The following CFTR variants were observed in gnomAD, a reference collection of about 807,000 sequenced individuals.
The protein encoded by CFTR is cystic fibrosis transmembrane conductance regulator.
Under a neutral mutation model 171.6 loss-of-function variants are expected in CFTR, and 181 were observed. That is an observed-to-expected ratio of 1.05 (90% confidence interval 0.93 to 1.19). The LOEUF (loss-of-function observed/expected upper bound fraction) is 1.19, where lower values mean the gene tolerates loss of function less well. Ranked by LOEUF, CFTR falls within the 50% of genes most tolerant of loss-of-function variation. The pLI, the probability that CFTR is intolerant of heterozygous loss-of-function variation, is 0.00. For missense variants in CFTR, 1,968 were observed against 1,734.7 expected (o/e 1.13, Z -2.39); for synonymous variants, 583 against 608.0 (o/e 0.96, Z 0.60).
At position 117,667,125 on chromosome 7, in the gene CFTR, T is replaced by C. The variant is rs376476454; in HGVS notation, c.*17T>C. The C allele has an allele frequency of 3.4e-5, 54 of 1,607,734 alleles. No homozygotes were observed. The highest frequency in any genetic ancestry group is 4.2e-5 in the Non-Finnish European group (49 of 1,174,690). The stretch of plus-strand genomic sequence containing the variant: ...AGGCTTTAGAGAGCAGCATAAATGT[T>C]GACATGGGACATTTGCTCATGGAAT... On this transcript the variant is annotated 3_prime_UTR_variant, in exon 27 of 27. Coordinates refer to ENST00000003084, the MANE Select transcript of CFTR (RefSeq NM_000492.4).
chr7:117,580,350 A>C (rs1180238659), intron 11 of CFTR, among the ~76,000 whole-genome samples: 2 of 152,084 alleles, frequency 1.3e-5, no homozygotes, highest in African/African-American at 4.8e-5. Flanking sequence ...AAATTAGCAA[A>C]AATTGAGGTG....
At chr7:117,551,744 G>T (rs900491452) in intron 10 of CFTR, among the ~76,000 whole-genome samples, 1 of 152,106 alleles carries the variant, frequency 6.6e-6, no homozygotes, top group African/African-American at 2.4e-5. Context: ...ATAGAATTTT[G>T]CATCACTGGA....
At position 117,609,442 on chromosome 7, in the gene CFTR, G is replaced by T. The variant is rs959966424; in HGVS notation, c.2989-1077G>T. On this transcript the variant is annotated intron_variant, in intron 18 of 26. Transcript: ENST00000003084. ...AACAGCATATGGATATTATAAAGTG[G>T]TTTTTTTTAATCCTTTCTGCAGACA... Among the ~76,000 whole-genome samples the T allele has an allele frequency of 1.4e-4, 21 of 151,966 alleles. No individual in the cohort carries two copies. The South Asian group carries it at 2.7e-3, about 20-fold the overall frequency.
intron 10 of CFTR, among the ~76,000 whole-genome samples, chr7:117,555,474 G>A (rs1799336265): frequency 6.6e-6 from 1 of 152,200 alleles, no homozygotes; most frequent in Admixed American, 6.5e-5. Flanking sequence ...TCATCTCCGT[G>A]TGAGCAGTTC....
intron 11 of CFTR, among the ~76,000 whole-genome samples, chr7:117,585,602 C>CT (rs966361608): frequency 1.3e-5 from 2 of 152,000 alleles, no homozygotes; most frequent in African/African-American, 4.8e-5. Flanking sequence ...TCTTCATTCT[C>CT]TTTTTTTCTC....
intron 11 of CFTR, among the ~76,000 whole-genome samples, chr7:117,578,802 A>G (rs1408439319): frequency 2.6e-5 from 4 of 152,134 alleles, no homozygotes; most frequent in Non-Finnish European, 5.9e-5. Context: ...GCTAAATTTA[A>G]CACAACCAAA....
chr7:117,640,576 C>T (rs1792896473), intron 22 of CFTR, among the ~76,000 whole-genome samples: 1 of 152,142 alleles, frequency 6.6e-6, no homozygotes, highest in African/African-American at 2.4e-5. Flanking sequence ...AAATTACTTT[C>T]ACCTGTTGAA....
intron 18 of CFTR, among the ~76,000 whole-genome samples, chr7:117,608,872 AT>A (rs1186468557): frequency 6.6e-6 from 1 of 151,794 alleles, no homozygotes; most frequent in African/African-American, 2.4e-5. Context: ...TGTTCACTCT[AT>A]TTTCTATTAT....
chr7:117,566,355 A>C (rs1285034244), intron 11 of CFTR, among the ~76,000 whole-genome samples: 1 of 152,008 alleles, frequency 6.6e-6, no homozygotes, highest in Non-Finnish European at 1.5e-5. Context: ...GAATAGCTTG[A>C]ACCCAGAAGG....
chr7:117,496,066 G>C (rs985643133), intron 1 of CFTR, among the ~76,000 whole-genome samples: 2 of 152,032 alleles, frequency 1.3e-5, no homozygotes, highest in African/African-American at 4.8e-5. Context: ...AACTACAAAT[G>C]TACTTTCCAT....
At chr7:117,504,940 C>G (rs1337431765) in intron 2 of CFTR, among the ~76,000 whole-genome samples, 3 of 151,958 alleles carry the variant, frequency 2.0e-5, no homozygotes. Flanking sequence ...TTTGTGAAAA[C>G]TAAAGTAACA....
At chr7:117,595,151 G>A in intron 15 of CFTR, 93 bp downstream of exon 15, 1 of 975,612 alleles carries the variant, frequency 1.0e-6, no homozygotes. Flanking sequence ...ACATAAATAT[G>A]TATATATACA....
At chr7:117,661,296 G>C (rs945783699) in intron 24 of CFTR, among the ~76,000 whole-genome samples, 7 of 152,154 alleles carry the variant, frequency 4.6e-5, no homozygotes, top group Non-Finnish European at 1.0e-4. Context: ...AATGTCCCCT[G>C]TGTTGGTCAG....
intron 21 of CFTR, among the ~76,000 whole-genome samples, chr7:117,620,423 A>G (rs919541263): frequency 1.2e-4 from 18 of 152,198 alleles, no homozygotes; most frequent in Admixed American, 2.0e-4. Flanking sequence ...CTTGATTAGC[A>G]TGTAGGCAGG....
At chr7:117,571,273 G>T (rs1180089964) in intron 11 of CFTR, among the ~76,000 whole-genome samples, 1 of 152,176 alleles carries the variant, frequency 6.6e-6, no homozygotes, top group African/African-American at 2.4e-5. Context: ...TTACCAGGGA[G>T]CTGGAAAACA....
chr7:117,560,616 T>TACATGAATA, intron 11 of CFTR: 1 of 152,236 alleles, frequency 6.6e-6, no homozygotes, highest in African/African-American at 2.4e-5. Flanking sequence ...CATGAATGGC[T>TACATGAATA]TTCCATGTAT....
At chr7:117,544,056 G>C (rs751771298) in intron 9 of CFTR, among the ~76,000 whole-genome samples, 1 of 152,066 alleles carries the variant, frequency 6.6e-6, no homozygotes, top group Non-Finnish European at 1.5e-5. Context: ...ATTTCATCAG[G>C]ATTTCTAGTC....
intron 2 of CFTR, among the ~76,000 whole-genome samples, chr7:117,504,759 A>AG (rs1432605238): frequency 6.6e-6 from 1 of 150,414 alleles, no homozygotes; most frequent in African/African-American, 2.4e-5. Context: ...CTCTCTCTAA[A>AG]AAAAAAAAAA....
intron 23 of CFTR, among the ~76,000 whole-genome samples, chr7:117,649,377 T>C (rs1233595333): frequency 1.3e-5 from 2 of 149,918 alleles, no homozygotes; most frequent in Non-Finnish European, 3.0e-5. Context: ...TATATACATG[T>C]ATATCTATAT....
Sources: gnomAD v4.1 joint callset for allele counts (sites outside exome capture counted in the v4.1 genomes callset) on GRCh38, gnomAD v4.1.1 for gene constraint, MANE v1.5 for transcripts, NCBI Gene and HGNC (gene_info 2026-07-23, HGNC 2026-07-21) for gene names.